Variants in TBC1D1 observed in about 807,000 individuals in gnomAD.
The protein encoded by TBC1D1 is TBC1 (tre-2/USP6, BUB2, cdc16) domain family, member 1.
TBC1D1 carries 89 observed loss-of-function variants against 125.6 expected under a neutral mutation model. The ratio of observed to expected loss-of-function variants is 0.71; its 90% CI spans 0.60 to 0.85. The LOEUF (loss-of-function observed/expected upper bound fraction) is 0.85. Ranked by LOEUF, TBC1D1 falls within the 40% of genes least tolerant of loss-of-function variation. TBC1D1 has a pLI of 0.00. For synonymous variants in TBC1D1, 565 were observed against 564.1 expected (o/e 1.00, Z -0.02); for missense variants, 1,377 against 1,469.2 (o/e 0.94, Z 1.03).
intron 2 of TBC1D1, among the ~76,000 whole-genome samples, chr4:37,965,796 G>A (rs1472022555): frequency 6.6e-6 from 1 of 151,868 alleles, no homozygotes; most frequent in East Asian, 1.9e-4. Context: ...TGTCACCAAG[G>A]CTGGAGTACA....
At chr4:37,906,194 T>C (rs1383642969) in intron 2 of TBC1D1, among the ~76,000 whole-genome samples, 1 of 151,982 alleles carries the variant, frequency 6.6e-6, no homozygotes, top group Non-Finnish European at 1.5e-5. Context: ...GTTGCCCAGG[T>C]TGGAGTGCAG....
chr4:37,963,682 C>A (rs183123545), intron 2 of TBC1D1, among the ~76,000 whole-genome samples: 1 of 152,134 alleles, frequency 6.6e-6, no homozygotes, highest in Admixed American at 6.5e-5. Context: ...TATGTACTTA[C>A]GTACAAAATA....
At chr4:38,013,556 T>C (rs1436250513) in intron 2 of TBC1D1, among the ~76,000 whole-genome samples, 2 of 152,192 alleles carry the variant, frequency 1.3e-5, no homozygotes, top group Non-Finnish European at 2.9e-5. Context: ...GCCTTGGCCT[T>C]GTTTAAATCC....
At chr4:37,969,162 C>A (rs1731584227) in intron 2 of TBC1D1, among the ~76,000 whole-genome samples, 1 of 152,170 alleles carries the variant, frequency 6.6e-6, no homozygotes, top group Admixed American at 6.5e-5. Context: ...TGTCTATAAA[C>A]CCAGCTCTGA....
Position 38,103,105 on chromosome 4 carries a change from A to G in TBC1D1, c.2505A>G (p.Lys835=), listed in dbSNP as rs1477404892. ...AGCAGCCAAAGGATGTGCCATACAA[A>G]GAACTCTTAAAGCAGCTGACTTCCC... The change falls in exon 15 of 20, where the codon AAA becomes AAG. Residue 835 remains lysine, a synonymous_variant. Coordinates refer to ENST00000261439, the MANE Select transcript of TBC1D1 (RefSeq NM_015173.4). The G allele has an allele frequency of 6.2e-7, 1 of 1,614,148 alleles. No individual in the cohort carries two copies. The highest frequency in any genetic ancestry group is 8.5e-7 in the Non-Finnish European group (1 of 1,180,014).
chr4:37,974,426 A>C (rs1732644214), intron 2 of TBC1D1, among the ~76,000 whole-genome samples: 1 of 152,122 alleles, frequency 6.6e-6, no homozygotes, highest in African/African-American at 2.4e-5. Context: ...TTATGTAGAC[A>C]TGGGGTCTCA....
chr4:38,056,431 GT>G (rs1420803217), intron 12 of TBC1D1, among the ~76,000 whole-genome samples: 1 of 152,206 alleles, frequency 6.6e-6, no homozygotes, highest in Non-Finnish European at 1.5e-5. Flanking sequence ...TTCATAATCT[GT>G]TTCTGCTTTA....
At chr4:37,959,280 T>C (rs763890318) in intron 2 of TBC1D1, among the ~76,000 whole-genome samples, 1 of 152,234 alleles carries the variant, frequency 6.6e-6, no homozygotes, top group Non-Finnish European at 1.5e-5. Context: ...GACTAACATA[T>C]ATTTCGTATG....
chr4:37,992,492 T>TG (rs1186957987), intron 2 of TBC1D1, among the ~76,000 whole-genome samples: 2 of 138,864 alleles, frequency 1.4e-5, no homozygotes, highest in Non-Finnish European at 3.1e-5. Context: ...AGAAGTCTGG[T>TG]GTTTTTTTTT....
intron 1 of TBC1D1, among the ~76,000 whole-genome samples, chr4:37,893,307 T>C (rs999348987): frequency 7.2e-5 from 11 of 152,350 alleles, no homozygotes; most frequent in African/African-American, 2.6e-4. Context: ...TTTTTGCTCT[T>C]TTCAGATTCC....
At chr4:38,076,423 A>G (rs540900321) in intron 12 of TBC1D1, among the ~76,000 whole-genome samples, 20 of 152,232 alleles carry the variant, frequency 1.3e-4, no homozygotes, top group African/African-American at 4.8e-4. Flanking sequence ...CCAAGTGCGC[A>G]TGTCTGGCCC....
At position 38,020,684 on chromosome 4, in the gene TBC1D1, A is replaced by G. The variant is rs1463269128; in HGVS notation, c.1066A>G (p.Asn356Asp). 15 of 1,611,980 alleles carry G rather than the reference A, an allele frequency of 9.3e-6. No homozygotes were observed. The highest frequency in any genetic ancestry group is 4.5e-5 in the East Asian group (2 of 44,724). ...TGTCTGTTACGTGTTTCAGTGCACA[A>G]ATGAGGCTCTGGTGAGAGAGGACAA... Residue 356 changes from asparagine (N) to aspartate (D), a missense_variant, in exon 5 of 20, where the codon AAT (asparagine) becomes GAT (aspartate). Asn to Asp is a conservative substitution (Grantham distance 23). Around this residue, in one of 3 missense-constraint regions of TBC1D1, gnomAD observed 822 missense variants for 824.6 expected, o/e 1.00. Coordinates refer to ENST00000261439, the MANE Select transcript of TBC1D1 (RefSeq NM_015173.4).
intron 5 of TBC1D1, 95 bp downstream of exon 5, chr4:38,020,790 A>C: frequency 1.0e-6 from 1 of 964,468 alleles, no homozygotes; most frequent in South Asian, 1.4e-5. Flanking sequence ...CCAGATGGTC[A>C]TTGACATATC....
At chr4:38,023,234 G>A (rs1382425715) in intron 6 of TBC1D1, among the ~76,000 whole-genome samples, 3 of 138,348 alleles carry the variant, frequency 2.2e-5, no homozygotes, top group Non-Finnish European at 4.6e-5. Flanking sequence ...GCAACAGAGC[G>A]AGATGTCTCA....
intron 2 of TBC1D1, among the ~76,000 whole-genome samples, chr4:37,941,142 C>A (rs563348665): frequency 1.3e-5 from 2 of 152,182 alleles, no homozygotes; most frequent in Non-Finnish European, 2.9e-5. Flanking sequence ...GGCTGTGAAT[C>A]CATCTGGTCC....
chr4:38,082,570 A>G (rs1351265354), intron 12 of TBC1D1, among the ~76,000 whole-genome samples: 1 of 152,182 alleles, frequency 6.6e-6, no homozygotes, highest in Non-Finnish European at 1.5e-5. Context: ...TGCAGATGCA[A>G]AAACAAACGC....
At chr4:38,111,766 GACCTGGAAGAATGTAAA>G (rs1261784637) in intron 15 of TBC1D1, 1 of 221,566 alleles carries the variant, frequency 4.5e-6, no homozygotes, top group East Asian at 1.8e-4. Flanking sequence ...GAGAACTATT[GACCTGGAAGAATGTAAA>G]ATAGGAAAAC....
At chr4:37,926,665 C>T (rs1722187161) in intron 2 of TBC1D1, among the ~76,000 whole-genome samples, 1 of 152,210 alleles carries the variant, frequency 6.6e-6, no homozygotes, top group South Asian at 2.1e-4. Context: ...ACTGTCCAAA[C>T]CTGGTCCCCA....
intron 2 of TBC1D1, among the ~76,000 whole-genome samples, chr4:37,930,929 A>G (rs1006066467): frequency 6.6e-6 from 1 of 152,256 alleles, no homozygotes; most frequent in African/African-American, 2.4e-5. Context: ...TTACTGGATT[A>G]TACTGTTAGT....
Sources: gnomAD v4.1 joint callset for allele counts (sites outside exome capture counted in the v4.1 genomes callset) on GRCh38, gnomAD v4.1.1 for gene constraint, gnomAD v4.1.1 regional missense constraint, MANE v1.5 for transcripts, NCBI Gene and HGNC (gene_info 2026-07-23, HGNC 2026-07-21) for gene names.